Variants in PTOV1 observed in about 807,000 individuals in gnomAD.
PTOV1 encodes PTOV1 extended AT-hook containing adaptor protein.
A neutral mutation model predicts 58.0 loss-of-function variants in PTOV1; 20 were observed. The observed-to-expected ratio is 0.34, with a 90% CI of 0.24 to 0.50. The LOEUF is 0.50. Among genes scored for constraint, PTOV1 ranks in the 20% least tolerant of loss-of-function variants. The pLI is 0.98. For missense variants in PTOV1, 593 were observed against 565.4 expected (o/e 1.05, Z -0.50); for synonymous variants, 335 against 234.2 (o/e 1.43, Z -3.93).
At position 49,858,197 on chromosome 19, in the gene PTOV1, G is replaced by T; in HGVS notation, c.936+83G>T. The T allele has an allele frequency of 4.0e-6, 6 of 1,509,116 alleles. No individual in the cohort carries two copies. In the South Asian group the frequency reaches 7.1e-5, roughly 18 times the overall value. 93.5% of individuals were successfully genotyped at this position (1,509,116 alleles called of 1,614,324 possible). A position where few individuals can be genotyped will look rare whatever the true frequency, so the allele number is the denominator to read the frequency against. The stretch of plus-strand genomic sequence containing the variant: ...GGCTGGGGGCAAGAGCGCCTCCCCA[G>T]GTGGCCTGAGCTGGCTGTGAGGGAG... On this transcript the variant is annotated intron_variant, in intron 9 of 11. Coordinates refer to ENST00000391842, the Ensembl canonical transcript of PTOV1.
chr19:49,854,955 T>A lies in PTOV1; in HGVS notation c.451-15T>A. On this transcript the variant is annotated splice_polypyrimidine_tract_variant and intron_variant, in intron 4 of 11. Transcript: ENST00000391842. ...CATGCCTGGCTGACCCAGCTGTCTGTCCTGTCGCCCCCAGACCACCCTGGG... is the reference window on the plus strand; with the variant it reads ...CATGCCTGGCTGACCCAGCTGTCTGACCTGTCGCCCCCAGACCACCCTGGG... 6.3e-7 allele frequency: 1 copy of A among 1,576,542 alleles called. No individual in the cohort carries two copies. The highest frequency in any genetic ancestry group is 1.8e-5 in the Admixed American group (1 of 57,110).
chr19:49,850,759 C>T, upstream of PTOV1: 2 of 1,257,750 alleles, frequency 1.6e-6, no homozygotes, highest in South Asian at 2.7e-5. Flanking sequence ...CGGGTGCAAT[C>T]CGTACCCTCA....
At chr19:49,854,607 A>G (rs759326327) in intron 2 of PTOV1, 45 bp from the exon 3 acceptor site, 2 of 1,613,078 alleles carry the variant, frequency 1.2e-6, no homozygotes, top group Non-Finnish European at 1.7e-6. Flanking sequence ...GGGACAGGCC[A>G]GGGCATCTAG....
intron 1 of PTOV1, chr19:49,853,242 T>A (rs1032953920): frequency 1.3e-5 from 2 of 152,202 alleles, no homozygotes; most frequent in African/African-American, 4.8e-5. Flanking sequence ...AAATCACCCT[T>A]ATAATTTGTT....
chr19:49,854,412 G>T, exon 2 of PTOV1: 1 of 1,610,088 alleles, frequency 6.2e-7, no homozygotes, highest in Non-Finnish European at 8.5e-7. Flanking sequence ...GCAGGAAGGT[G>T]CTCGGGTCTT....
upstream of PTOV1, chr19:49,851,043 C>A (rs1281408360): frequency 2.0e-6 from 3 of 1,514,306 alleles, no homozygotes; most frequent in South Asian, 1.2e-5. Context: ...GCCCGCAGGA[C>A]CGCCGAGCCC....
chr19:49,851,098 T>C, upstream of PTOV1: 1 of 1,411,376 alleles, frequency 7.1e-7, no homozygotes, highest in Non-Finnish European at 9.2e-7. Context: ...GCCGCCTTGG[T>C]ACGCTCCGGC....
At chr19:49,854,913 T>A in intron 4 of PTOV1, 25 bp downstream of exon 4, 1 of 1,593,370 alleles carries the variant, frequency 6.3e-7, no homozygotes, top group Non-Finnish European at 8.5e-7. Flanking sequence ...TCCCACCCCA[T>A]CCACTCTGAG....
At chr19:49,852,060 C>T (rs2122167931) in intron 1 of PTOV1, 2 of 985,508 alleles carry the variant, frequency 2.0e-6, no homozygotes, top group Non-Finnish European at 2.4e-6. Flanking sequence ...AAACATTCAG[C>T]TTCGCAGGTA....
At chr19:49,855,216 T>A (rs2074412173) in intron 5 of PTOV1, 139 bp downstream of exon 5, 7 of 757,672 alleles carry the variant, frequency 9.2e-6, no homozygotes, top group Non-Finnish European at 1.5e-5. Context: ...GGACCCCATC[T>A]GGAAATGACT....
chr19:49,860,075 C>T (rs752506732), exon 11 of PTOV1: 9 of 1,614,224 alleles, frequency 5.6e-6, no homozygotes, highest in East Asian at 2.2e-5. Flanking sequence ...TCTTCATTGG[C>T]CTCATCCCCC....
chr19:49,857,673 A>C lies in PTOV1; in HGVS notation c.715-20A>C, dbSNP rs750006151. The stretch of plus-strand genomic sequence containing the variant: ...CCCAGGAGCCTGGGCCCCTCTTCCC[A>C]CCCCGTTCCCTTCCAACAGGCAGTG... On this transcript the variant is annotated intron_variant, in intron 6 of 11. Transcript: ENST00000391842. The C allele has an allele frequency of 1.5e-4, 244 of 1,610,826 alleles. No individual in the cohort carries two copies. Among genetic ancestry groups the C allele is most frequent in the Non-Finnish European group, 1.9e-4 (226 of 1,178,112 alleles).
Position 49,854,898 on chromosome 19 carries a change from G to GGCCCCC in PTOV1, c.450+10_450+11insGCCCCC. 7.2e-7 allele frequency: 1 copy of GGCCCCC among 1,389,020 alleles called. No homozygotes were observed. Among genetic ancestry groups the GGCCCCC allele is most frequent in the Non-Finnish European group, 1.0e-6 (1 of 999,840 alleles). 86.0% of individuals were successfully genotyped at this position (1,389,020 alleles called of 1,614,324 possible). The stretch of plus-strand genomic sequence containing the variant: ...CCCTCAGCAGCTGCTGGTGAGACCC[G>GGCCCCC]CCCCTCCCACCCCATCCACTCTGAG... On this transcript the variant is annotated intron_variant, in intron 4 of 11. Transcript: ENST00000391842.
intron 1 of PTOV1, chr19:49,851,704 G>T: frequency 8.7e-7 from 1 of 1,147,750 alleles, no homozygotes; most frequent in Non-Finnish European, 1.1e-6. Flanking sequence ...TCGGGCCGGG[G>T]TGGGGGGTTG....
Position 49,859,984 on chromosome 19 carries a change from AGGCCG to A in PTOV1, c.1042_1046del (p.Ala348LeufsTer11). On this transcript the variant is annotated splice_acceptor_variant and coding_sequence_variant, in exon 11 of 12. Transcript: ENST00000391842. LOFTEE classifies it high-confidence loss of function. The stretch of plus-strand genomic sequence containing the variant: ...GGTGACACCACGCCCTGTGCCTGCC[AGGCCG>A]GCTGCGTGCACTTTTCCTACAAAGC... The A allele has an allele frequency of 1.9e-6, 3 of 1,614,032 alleles. No individual in the cohort carries two copies. Among genetic ancestry groups the A allele is most frequent in the Non-Finnish European group, 2.5e-6 (3 of 1,180,000 alleles).
Position 49,858,908 on chromosome 19 carries a change from T to G in PTOV1, c.1041+255T>G, listed in dbSNP as rs138209233. 4.0e-3 allele frequency: 1,643 copies of G among 415,944 alleles called. 18 individuals carry two copies. Among genetic ancestry groups the G allele is most frequent in the Non-Finnish European group, 3.0e-3 (686 of 226,564 alleles). The allele number at this position is 415,944 out of a possible 1,614,324, so 25.8% of individuals were successfully genotyped here. A position where few individuals can be genotyped will look rare whatever the true frequency, so the allele number is the denominator to read the frequency against. On this transcript the variant is annotated intron_variant, in intron 10 of 11. Coordinates refer to ENST00000391842, the Ensembl canonical transcript of PTOV1. ...GGCTGACTCAGCACCAACTCCGCGC[T>G]CTCCACTCCTCAGGGACAGGCGCCC...
intron 5 of PTOV1, chr19:49,856,765 C>G (rs1028522533): frequency 1.9e-5 from 11 of 590,480 alleles, no homozygotes; most frequent in Non-Finnish European, 3.2e-5. Flanking sequence ...CCGGGTGCCA[C>G]TCTGACCTCA....
intron 10 of PTOV1, 138 bp downstream of exon 10, chr19:49,858,791 G>A (rs748905144): frequency 2.5e-5 from 18 of 731,054 alleles, no homozygotes; most frequent in Admixed American, 8.9e-5. Flanking sequence ...TAGTGTGGGC[G>A]TGACTTCTGG....
At chr19:49,858,293 C>T in intron 9 of PTOV1, 179 bp downstream of exon 9, 1 of 851,344 alleles carries the variant, frequency 1.2e-6, no homozygotes, top group Non-Finnish European at 1.8e-6. Flanking sequence ...TCCCAGGCAG[C>T]CAGCTGGTGG....
Sources: gnomAD v4.1 joint callset for allele counts on GRCh38, gnomAD v4.1.1 for gene constraint, MANE v1.5 for transcripts, NCBI Gene and HGNC (gene_info 2026-07-23, HGNC 2026-07-21) for gene names.